RPS6KC1: variants seen among roughly 807,000 people sequenced by gnomAD.
RPS6KC1 encodes ribosomal protein S6 kinase C1, also known as inactive ribosomal protein S6 kinase delta-1.
RPS6KC1 carries 54 observed loss-of-function variants against 103.8 expected under a neutral mutation model. That is an observed-to-expected ratio of 0.52 (90% CI 0.42 to 0.65). The LOEUF (loss-of-function observed/expected upper bound fraction) is 0.65, where lower values mean the gene tolerates loss of function less well. Among genes scored for constraint, RPS6KC1 ranks in the 30% least tolerant of loss-of-function variants. The pLI, the probability that RPS6KC1 is intolerant of heterozygous loss-of-function variation, is 0.00. For missense variants in RPS6KC1, 1,151 were observed against 1,253.8 expected, an observed-to-expected ratio of 0.92 and a Z score of 1.24; for synonymous variants, 439 against 438.7, an observed-to-expected ratio of 1.00 and a Z score of -0.01.
At chr1:213,605,566 G>A in the RPS6KC1 span, among the ~76,000 whole-genome samples, 1 of 152,178 alleles carries the variant, frequency 6.6e-6, no homozygotes, top group Non-Finnish European at 1.5e-5. Flanking sequence ...GGCTCTTTGG[G>A]CTCACCATTA....
chr1:213,644,656 G>GTAA, the RPS6KC1 span, among the ~76,000 whole-genome samples: 1 of 151,698 alleles, frequency 6.6e-6, no homozygotes, highest in Non-Finnish European at 1.5e-5. Flanking sequence ...TTTCATTTTA[G>GTAA]TAATATGCAT....
At chr1:213,715,965 A>T in the RPS6KC1 span, among the ~76,000 whole-genome samples, 4 of 151,670 alleles carry the variant, frequency 2.6e-5, no homozygotes, top group Non-Finnish European at 5.9e-5. Context: ...GTAAGTTTTA[A>T]TTTTTTTTTA....
chr1:213,545,100 T>C, the RPS6KC1 span, among the ~76,000 whole-genome samples: 1 of 152,160 alleles, frequency 6.6e-6, no homozygotes, highest in Non-Finnish European at 1.5e-5. Context: ...GCGCTCTGGC[T>C]AATGCCTGTA....
At chr1:213,852,809 C>A in the RPS6KC1 span, among the ~76,000 whole-genome samples, 1 of 152,272 alleles carries the variant, frequency 6.6e-6, no homozygotes, top group African/African-American at 2.4e-5. Context: ...ATCTATTTAT[C>A]TTAGGGGCAC....
chr1:213,305,286 T>G, the RPS6KC1 span, among the ~76,000 whole-genome samples: 5 of 152,122 alleles, frequency 3.3e-5, no homozygotes, highest in Non-Finnish European at 7.3e-5. Context: ...TTTCACCATG[T>G]TGGCCAGGCT....
At chr1:213,203,722 T>C (rs1375435194) in intron 8 of RPS6KC1, among the ~76,000 whole-genome samples, 1 of 152,194 alleles carries the variant, frequency 6.6e-6, no homozygotes, top group Non-Finnish European at 1.5e-5. Context: ...ATAACCCTGC[T>C]ACCTACTGAG....
the RPS6KC1 span, among the ~76,000 whole-genome samples, chr1:213,534,811 G>A: frequency 1.3e-5 from 2 of 152,160 alleles, no homozygotes; most frequent in Non-Finnish European, 2.9e-5. Flanking sequence ...AATAGAAAAG[G>A]CTCTTCTCAA....
the RPS6KC1 span, among the ~76,000 whole-genome samples, chr1:213,330,988 C>T: frequency 6.6e-6 from 1 of 152,114 alleles, no homozygotes. Flanking sequence ...GGCATTTTAT[C>T]CTGGTGCATG....
intron 12 of RPS6KC1, among the ~76,000 whole-genome samples, chr1:213,250,814 A>C (rs1430111372): frequency 6.6e-6 from 1 of 152,208 alleles, no homozygotes; most frequent in African/African-American, 2.4e-5. Context: ...TTCCATTGTC[A>C]TATACAAAAA....
the RPS6KC1 span, among the ~76,000 whole-genome samples, chr1:213,621,393 G>A: frequency 2.0e-3 from 271 of 137,236 alleles, 3 homozygotes; most frequent in East Asian, 0.048. Context: ...GTATATATAA[G>A]GGCAGGGAAA....
intron 12 of RPS6KC1, among the ~76,000 whole-genome samples, chr1:213,257,025 A>G (rs776878209): frequency 6.6e-5 from 10 of 152,158 alleles, no homozygotes; most frequent in Admixed American, 2.6e-4. Flanking sequence ...TGTGTTCCAT[A>G]ATAGGTCTAT....
At chr1:213,234,475 G>A (rs914714258) in intron 10 of RPS6KC1, among the ~76,000 whole-genome samples, 1 of 152,164 alleles carries the variant, frequency 6.6e-6, no homozygotes, top group Non-Finnish European at 1.5e-5. Context: ...CTCTGAGAAG[G>A]TGGCATTTAA....
the RPS6KC1 span, among the ~76,000 whole-genome samples, chr1:213,621,967 G>T: frequency 6.6e-6 from 1 of 152,178 alleles, no homozygotes; most frequent in Non-Finnish European, 1.5e-5. Context: ...TGGGATCACT[G>T]TGTTAGCCCT....
At chr1:213,637,677 A>G in the RPS6KC1 span, among the ~76,000 whole-genome samples, 1 of 152,266 alleles carries the variant, frequency 6.6e-6, no homozygotes, top group South Asian at 2.1e-4. Context: ...TAGCTGTGTC[A>G]TTTTGCATTC....
the RPS6KC1 span, among the ~76,000 whole-genome samples, chr1:213,297,176 A>G: frequency 6.6e-6 from 1 of 152,354 alleles, no homozygotes; most frequent in East Asian, 1.9e-4. Flanking sequence ...AGAATGCCAC[A>G]GTAATGAACC....
At chr1:213,306,713 G>A in the RPS6KC1 span, among the ~76,000 whole-genome samples, 1 of 152,212 alleles carries the variant, frequency 6.6e-6, no homozygotes, top group Admixed American at 6.5e-5. Flanking sequence ...CAACTGCTGT[G>A]TTGAGAAGGA....
chr1:213,796,655 T>C, the RPS6KC1 span, among the ~76,000 whole-genome samples: 3 of 152,188 alleles, frequency 2.0e-5, no homozygotes, highest in Non-Finnish European at 2.9e-5. Context: ...CTGGATGAAA[T>C]AATGTGCCAT....
chr1:213,084,426 C>T (rs895706070), intron 3 of RPS6KC1, among the ~76,000 whole-genome samples: 1 of 152,120 alleles, frequency 6.6e-6, no homozygotes, highest in Non-Finnish European at 1.5e-5. Flanking sequence ...TGAGCCACCA[C>T]ACCTGGCCAT....
At chr1:213,855,517 C>A in the RPS6KC1 span, among the ~76,000 whole-genome samples, 4 of 152,340 alleles carry the variant, frequency 2.6e-5, no homozygotes, top group East Asian at 5.8e-4. Context: ...CAGCTAAAAA[C>A]CTCTTCACTA....
Sources: allele counts gnomAD v4.1 joint callset (sites outside exome capture counted in the v4.1 genomes callset), GRCh38; gene constraint gnomAD v4.1.1; transcripts MANE v1.5; gene names NCBI Gene and HGNC (gene_info 2026-07-23, HGNC 2026-07-21).